SYNE2: variants seen among roughly 807,000 people sequenced by gnomAD.
SYNE2 encodes nesprin-2.
Under a neutral mutation model 856.3 loss-of-function variants are expected in SYNE2, and 431 were observed. The observed-to-expected ratio is 0.50, with a 90% CI of 0.47 to 0.55. The LOEUF is 0.55. Among genes scored for constraint, SYNE2 ranks in the 20% least tolerant of loss-of-function variants. The pLI, the probability that SYNE2 is intolerant of heterozygous loss-of-function variation, is 0.00. For missense variants in SYNE2, 8,129 were observed against 8,023.2 expected (o/e 1.01, Z -0.50); for synonymous variants, 2,923 against 2,872.3 (o/e 1.02, Z -0.56).
In SYNE2 at chr14:64,221,489, T is replaced by C. The variant is rs779884267; in HGVS notation, c.20062-87T>C. The C allele has an allele frequency of 1.9e-6, 3 of 1,613,144 alleles. No individual in the cohort carries two copies. In the Admixed American group the frequency reaches 5.0e-5, roughly 27 times the overall value. On this transcript the variant is annotated intron_variant, in intron 111 of 115. Coordinates refer to ENST00000555002, the MANE Select transcript of SYNE2 (RefSeq NM_182914.3). ...AGGCCAGAAAAGCAAATGACTGTGATGGATTGGAAGCAGTAAGCCATGTTC... is the reference window on the plus strand; with the variant it reads ...AGGCCAGAAAAGCAAATGACTGTGACGGATTGGAAGCAGTAAGCCATGTTC...
chr14:64,033,305 C>T (rs2097056669), intron 45 of SYNE2, among the ~76,000 whole-genome samples: 1 of 152,182 alleles, frequency 6.6e-6, no homozygotes, highest in Admixed American at 6.5e-5. Context: ...AAACTAACTT[C>T]CCAGATCCAT....
At chr14:63,783,271 T>G (rs1278936842) in intron 1 of SYNE2, among the ~76,000 whole-genome samples, 1 of 152,186 alleles carries the variant, frequency 6.6e-6, no homozygotes. Flanking sequence ...GAGGGTATCT[T>G]GCTTTCCCTT....
At position 63,967,778 on chromosome 14, in the gene SYNE2, C is replaced by T. The variant is rs374073818; in HGVS notation, c.1060C>T (p.Arg354Trp). ...CTTTTTGGATGTCCTGTCAATAAAA[C>T]GGGATCTGGATGAGCTGGACAAGGA... ...KSFLDVLSIKRDLDELDKDHL... is the reference protein window; with the variant it reads ...KSFLDVLSIKWDLDELDKDHL... The change falls in exon 11 of 116, where the codon CGG becomes TGG. Residue 354 changes from arginine to tryptophan, a missense_variant. This residue lies in a region of SYNE2 where 2,422 missense variants were observed against 2,357.4 expected (regional missense o/e 1.03). Transcript: ENST00000555002. 25 of 1,613,790 alleles carry T rather than the reference C, an allele frequency of 1.5e-5. No individual in the cohort carries two copies. Among genetic ancestry groups the T allele is most frequent in the Middle Eastern group, 1.6e-4 (1 of 6,084 alleles).
Position 64,219,205 on chromosome 14 carries a change from C to G in SYNE2, c.19658-3C>G, listed in dbSNP as rs1415283905. On this transcript the variant is annotated splice_region_variant and splice_polypyrimidine_tract_variant and intron_variant, in intron 109 of 115. Coordinates refer to ENST00000555002, the MANE Select transcript of SYNE2 (RefSeq NM_182914.3). ...TTTTTAATTGGCGATTTTTTAATTC[C>G]AGGTGCCTTCGACAGATGGGAGATG... The G allele has an allele frequency of 6.3e-7, 1 of 1,583,490 alleles. No individual in the cohort carries two copies. The highest frequency in any genetic ancestry group is 8.6e-7 in the Non-Finnish European group (1 of 1,164,480).
intron 52 of SYNE2, among the ~76,000 whole-genome samples, chr14:64,071,945 G>A (rs1427832174): frequency 6.6e-6 from 1 of 152,174 alleles, no homozygotes; most frequent in African/African-American, 2.4e-5. Flanking sequence ...TTGAACCCAA[G>A]AGGTAGAGGT....
Position 64,029,973 on chromosome 14 carries a change from T to C in SYNE2, c.6793T>C (p.Leu2265=), listed in dbSNP as rs746513307. Reference sequence around the variant, plus strand: ...TTGCGTCACAGACCTGAATACTACATTGGACAATTTCTCCAAGGAATTTGT... The same window carrying C: ...TTGCGTCACAGACCTGAATACTACACTGGACAATTTCTCCAAGGAATTTGT... ...QVCVTDLNTT[L]DNFSKEFVSF... is the part of the protein sequence containing the mutation. Residue 2265 remains leucine, a synonymous_variant, in exon 44 of 116, where the codon TTG becomes CTG. Transcript: ENST00000555002. 7 of 1,614,154 alleles carry C rather than the reference T, an allele frequency of 4.3e-6. No individual in the cohort carries two copies. Among genetic ancestry groups the C allele is most frequent in the Non-Finnish European group, 5.9e-6 (7 of 1,179,994 alleles).
intron 2 of SYNE2, among the ~76,000 whole-genome samples, chr14:63,927,715 A>C (rs1027450157): frequency 6.6e-6 from 1 of 151,978 alleles, no homozygotes; most frequent in African/African-American, 2.4e-5. Context: ...AACATGGTGA[A>C]ACCCCGCCTC....
chr14:64,222,032 T>C (rs1167603920), intron 112 of SYNE2, among the ~76,000 whole-genome samples: 2 of 152,224 alleles, frequency 1.3e-5, no homozygotes, highest in Non-Finnish European at 2.9e-5. Context: ...AATATGGTGC[T>C]CATTTGCTTC....
chr14:63,891,614 A>G (rs1477701669), intron 1 of SYNE2, among the ~76,000 whole-genome samples: 1 of 152,122 alleles, frequency 6.6e-6, no homozygotes, highest in Non-Finnish European at 1.5e-5. Context: ...TCAGCTCAAA[A>G]TAACCTTTAT....
chr14:64,223,326 C>G lies in SYNE2; in HGVS notation c.20328C>G (p.Leu6776=). The change falls in exon 113 of 116, where the codon CTC becomes CTG. Residue 6776 remains leucine, a synonymous_variant. Coordinates refer to ENST00000555002, the MANE Select transcript of SYNE2 (RefSeq NM_182914.3). ...AGGTGCATGTTATTGAGAAGAAACTCAAACAGTTACGGGAGCAAGTGTCCC... is the reference window on the plus strand; with the variant it reads ...AGGTGCATGTTATTGAGAAGAAACTGAAACAGTTACGGGAGCAAGTGTCCC... The part of the protein sequence containing the change: ...EEKVHVIEKK[L]KQLREQVSQD... The G allele has an allele frequency of 6.2e-7, 1 of 1,614,140 alleles. No individual in the cohort carries two copies.
In SYNE2 at chr14:64,052,630, A is replaced by T. The variant is rs753298185; in HGVS notation, c.8717A>T (p.Asn2906Ile). Reference protein sequence around the residue: ...QELTNIYEELNVFERLFLEDQ... With the variant: ...QELTNIYEELIVFERLFLEDQ... Reference sequence around the variant, plus strand: ...CTAACAAACATCTATGAGGAGCTGAATGTGTTTGAAAGATTATTTCTGGAA... The same window carrying T: ...CTAACAAACATCTATGAGGAGCTGATTGTGTTTGAAAGATTATTTCTGGAA... The change falls in exon 48 of 116, where the codon AAT (asparagine) becomes ATT (isoleucine). Residue 2906 changes from asparagine (N) to isoleucine (I), a missense_variant. Transcript: ENST00000555002. 6.2e-7 allele frequency: 1 copy of T among 1,614,022 alleles called. No homozygotes were observed. Among genetic ancestry groups the T allele is most frequent in the African/African-American group, 1.3e-5 (1 of 74,928 alleles).
Position 64,065,643 on chromosome 14 carries a change from G to T in SYNE2, c.10424G>T (p.Ser3475Ile). 2 of 1,614,146 alleles carry T rather than the reference G, an allele frequency of 1.2e-6. No homozygotes were observed. Among genetic ancestry groups the T allele is most frequent in the South Asian group, 1.1e-5 (1 of 91,078 alleles). The change falls in exon 51 of 116, where the codon AGT becomes ATT. Residue 3475 changes from serine (S) to isoleucine (I), a missense_variant. By Grantham distance (142) the Ser-to-Ile change is moderately radical. Transcript: ENST00000555002. ...EELKQEWKFV[S>I]EEIEREAIIL... Reference sequence around the variant, plus strand: ...CTGAAGCAGGAATGGAAATTTGTCAGTGAAGAAGTGAGTGCTTCATTTTCA... The same window carrying T: ...CTGAAGCAGGAATGGAAATTTGTCATTGAAGAAGTGAGTGCTTCATTTTCA...
At chr14:63,897,663 T>TCTGGCCTCAGTGGGCCTTCAG (rs2095274826) in intron 1 of SYNE2, among the ~76,000 whole-genome samples, 2 of 152,342 alleles carry the variant, frequency 1.3e-5, no homozygotes, top group African/African-American at 4.8e-5. Context: ...CCGGTGCTGT[T>TCTGGCCTCAGTGGGCCTTCAG]CTGGCCTCAG....
At chr14:63,958,842 T>G (rs2153442836) in intron 8 of SYNE2, among the ~76,000 whole-genome samples, 1 of 152,340 alleles carries the variant, frequency 6.6e-6, no homozygotes, top group Middle Eastern at 3.4e-3. Context: ...CACTCTTAGT[T>G]GTAATGCAAT....
Position 63,815,948 on chromosome 14 carries a change from CTT to C in SYNE2, c.-304-36535_-304-36534del, listed in dbSNP as rs34053312. 6.8e-3 allele frequency among the ~76,000 whole-genome samples: 874 copies of C among 128,844 alleles called. 1 individual carries two copies. The highest frequency in any genetic ancestry group is 0.023 in the African/African-American group (789 of 34,628). The allele number at this position is 128,844 out of a possible 152,430, so 84.5% of individuals were successfully genotyped here. A position where few individuals can be genotyped will look rare whatever the true frequency, so the allele number is the denominator to read the frequency against. On this transcript the variant is annotated intron_variant, in intron 1 of 23. Transcript: ENST00000674003. ...ATAGAAATGTTCTTATTAAATTATTCTTTTTTTTTTTTTTTTTTTGAGATGGG... is the reference window on the plus strand; with the variant it reads ...ATAGAAATGTTCTTATTAAATTATTCTTTTTTTTTTTTTTTTTGAGATGGG...
chr14:64,202,225 G>T (rs1372732720), intron 99 of SYNE2: 1 of 702,376 alleles, frequency 1.4e-6, no homozygotes, highest in Admixed American at 2.0e-5. Context: ...GCATGGGCTG[G>T]TTCAATGTAT....
At chr14:63,933,542 T>A (rs1475386234) in intron 2 of SYNE2, among the ~76,000 whole-genome samples, 1 of 152,208 alleles carries the variant, frequency 6.6e-6, no homozygotes, top group Non-Finnish European at 1.5e-5. Flanking sequence ...CTTCTGTGCC[T>A]CATTTCTCAA....
chr14:63,997,276 A>G (rs745727391), intron 24 of SYNE2, 25 bp from the exon 25 acceptor site: 1 of 1,606,342 alleles, frequency 6.2e-7, no homozygotes, highest in Admixed American at 1.7e-5. Context: ...CCTCTTTTAA[A>G]CATGCAATTT....
intron 37 of SYNE2, 47 bp from the exon 38 acceptor site, chr14:64,022,704 T>G: frequency 1.1e-6 from 1 of 927,704 alleles, no homozygotes; most frequent in Non-Finnish European, 1.8e-6. Flanking sequence ...TAACAAGATG[T>G]ATGAAGTCTT....
Sources: gnomAD v4.1 joint callset for allele counts (sites outside exome capture counted in the v4.1 genomes callset) on GRCh38, gnomAD v4.1.1 for gene constraint, gnomAD v4.1.1 regional missense constraint, MANE v1.5 for transcripts, NCBI Gene and HGNC (gene_info 2026-07-23, HGNC 2026-07-21) for gene names.